The following FBN2 variants were observed in gnomAD, a reference collection of about 807,000 sequenced individuals.
FBN2 encodes fibrillin-2.
FBN2 carries 105 observed loss-of-function variants against 355.6 expected under a neutral mutation model. That is an observed-to-expected ratio of 0.30 (90% confidence interval 0.25 to 0.35). FBN2 has a LOEUF of 0.35. Ranked by LOEUF, FBN2 falls within the 10% of genes least tolerant of loss-of-function variation. The pLI, the probability that FBN2 is intolerant of heterozygous loss-of-function variation, is 1.00. For missense variants in FBN2, 3,280 were observed against 3,758.7 expected, an observed-to-expected ratio of 0.87 and a Z score of 3.33; for synonymous variants, 1,350 against 1,301.2, an observed-to-expected ratio of 1.04 and a Z score of -0.81.
intron 11 of FBN2, among the ~76,000 whole-genome samples, chr5:128,381,061 A>G (rs989118923): frequency 6.6e-6 from 1 of 152,124 alleles, no homozygotes; most frequent in African/African-American, 2.4e-5. Context: ...ATGCCAACTT[A>G]GAAAAGGCTT....
At chr5:128,286,886 C>A in intron 54 of FBN2, 37 bp from the exon 55 acceptor site, 4 of 1,601,356 alleles carry the variant, frequency 2.5e-6, no homozygotes, top group Non-Finnish European at 3.4e-6. Context: ...TTATCTGGAG[C>A]AAGCTGTAGT....
rs550765303 is a variant in FBN2, at chr5:128,259,108, A to G, written c.*347T>C. On this transcript the variant is annotated 3_prime_UTR_variant, in exon 65 of 65. Coordinates refer to ENST00000262464, the MANE Select transcript of FBN2 (RefSeq NM_001999.4). ...AATTAGCAACTATAGCAAAATACCC[A>G]AAGTGTTACAGACTGCTAACAGGAA... The G allele has an allele frequency of 4.9e-6, 1 of 205,624 alleles. No individual in the cohort carries two copies. Among genetic ancestry groups the G allele is most frequent in the Admixed American group, 5.2e-5 (1 of 19,244 alleles). 12.7% of individuals were successfully genotyped at this position (205,624 alleles called of 1,614,324 possible).
chr5:128,326,284 G>A (rs32215), intron 34 of FBN2, among the ~76,000 whole-genome samples: 60,215 of 152,020 alleles, frequency 0.4, 12,691 homozygotes, highest in East Asian at 0.8. Context: ...CCAAAGTTTC[G>A]TAAGGTGGAG....
chr5:128,457,842 C>CAAAAAAAAAAAAAAAA (rs560905143), intron 6 of FBN2, among the ~76,000 whole-genome samples: 1 of 125,446 alleles, frequency 8.0e-6, no homozygotes. Flanking sequence ...CCAGACACTG[C>CAAAAAAAAAAAAAAAA]AAAAAAAAAA....
At position 128,288,529 on chromosome 5, in the gene FBN2, C is replaced by T. The variant is rs192923239; in HGVS notation, c.6666G>A (p.Pro2222=). 4.5e-4 allele frequency: 730 copies of T among 1,613,776 alleles called. No homozygotes were observed. Among genetic ancestry groups the T allele is most frequent in the Non-Finnish European group, 5.0e-4 (587 of 1,179,830 alleles). Residue 2222 remains proline (P), a synonymous_variant, in exon 53 of 65, where the codon CCG becomes CCA. Coordinates refer to ENST00000262464, the MANE Select transcript of FBN2 (RefSeq NM_001999.4). The part of the protein sequence containing the change: ...VDTDECSIGN[P]CGNGTCTNVI... ...CATTGGTGCATGTACCATTTCCACACGGATTGCCGATTGAACACTCATCAG... is the reference window on the plus strand; with the variant it reads ...CATTGGTGCATGTACCATTTCCACATGGATTGCCGATTGAACACTCATCAG...
In FBN2 at chr5:128,379,316, C is replaced by T. The variant is rs552835607; in HGVS notation, c.1604-426G>A. Among the ~76,000 whole-genome samples the T allele has an allele frequency of 2.3e-4, 35 of 152,088 alleles. No homozygotes were observed. In the South Asian group the frequency reaches 3.7e-3, roughly 16 times the overall value. Reference sequence around the variant, plus strand: ...ATATTTATGTTACATGTTGTCACTGCTATTAGTTTTAAAGAAAGAGATTGA... The same window carrying T: ...ATATTTATGTTACATGTTGTCACTGTTATTAGTTTTAAAGAAAGAGATTGA... On this transcript the variant is annotated intron_variant, in intron 11 of 64. Coordinates refer to ENST00000262464, the MANE Select transcript of FBN2 (RefSeq NM_001999.4).
chr5:128,465,601 T>C (rs556825277), intron 5 of FBN2, among the ~76,000 whole-genome samples: 5 of 152,238 alleles, frequency 3.3e-5, no homozygotes, highest in Admixed American at 2.6e-4. Flanking sequence ...TTTAGTTCTA[T>C]GGGTAGCCTA....
intron 8 of FBN2, among the ~76,000 whole-genome samples, chr5:128,403,638 A>G (rs1252234165): frequency 6.6e-6 from 1 of 151,876 alleles, no homozygotes; most frequent in Non-Finnish European, 1.5e-5. Context: ...AAAATGACTT[A>G]AGGCTTATTA....
chr5:128,426,297 C>T (rs925581962), intron 7 of FBN2, among the ~76,000 whole-genome samples: 4 of 152,254 alleles, frequency 2.6e-5, no homozygotes, highest in Middle Eastern at 3.4e-3. Context: ...ACCGAGACTT[C>T]GAAAACCTTC....
intron 3 of FBN2, among the ~76,000 whole-genome samples, chr5:128,529,553 A>G (rs1756652086): frequency 6.6e-6 from 1 of 152,212 alleles, no homozygotes; most frequent in South Asian, 2.1e-4. Flanking sequence ...ATATACCACA[A>G]GCAAAGAGTG....
chr5:128,298,022 G>C (rs1459537278), intron 48 of FBN2, among the ~76,000 whole-genome samples: 1 of 150,108 alleles, frequency 6.7e-6, no homozygotes, highest in Non-Finnish European at 1.5e-5. Flanking sequence ...GCTCTTTTAG[G>C]GCAGGCCTGG....
At chr5:128,440,475 A>G (rs1753891013) in intron 7 of FBN2, among the ~76,000 whole-genome samples, 1 of 152,168 alleles carries the variant, frequency 6.6e-6, no homozygotes, top group South Asian at 2.1e-4. Flanking sequence ...AAGGGGGAAG[A>G]GCTACACACT....
intron 48 of FBN2, among the ~76,000 whole-genome samples, chr5:128,298,854 G>A (rs774962170): frequency 5.9e-5 from 9 of 152,294 alleles, no homozygotes; most frequent in South Asian, 2.1e-4. Context: ...GTTATTCTCC[G>A]TCCAGTTTTG....
In FBN2 at chr5:128,261,722, T is replaced by TGGGATATACTCACAGC; in HGVS notation, c.8362_8364+13dup. On this transcript the variant is annotated intron_variant, in intron 64 of 64. Transcript: ENST00000262464. ...GATAAAATTTTGTGGCAACACAGAGTGGGATATACTCACAGCAGTGGGATC... is the reference window on the plus strand; with the variant it reads ...GATAAAATTTTGTGGCAACACAGAGTGGGATATACTCACAGCGGGATATACTCACAGCAGTGGGATC... 6.2e-7 allele frequency: 1 copy of TGGGATATACTCACAGC among 1,613,652 alleles called. No individual in the cohort carries two copies. The highest frequency in any genetic ancestry group is 1.7e-5 in the Admixed American group (1 of 60,018).
intron 8 of FBN2, among the ~76,000 whole-genome samples, chr5:128,398,081 C>T (rs957011152): frequency 2.0e-5 from 3 of 151,970 alleles, no homozygotes; most frequent in East Asian, 1.9e-4. Flanking sequence ...GCTTTGATGC[C>T]TCAATTCATA....
At chr5:128,325,886 TCTTA>T (rs1252286455) in intron 34 of FBN2, among the ~76,000 whole-genome samples, 1 of 152,182 alleles carries the variant, frequency 6.6e-6, no homozygotes, top group Non-Finnish European at 1.5e-5. Flanking sequence ...GGTCCCCATT[TCTTA>T]CTTCCCTTGA....
intron 37 of FBN2, among the ~76,000 whole-genome samples, 188 bp downstream of exon 37, chr5:128,312,444 CAT>C (rs1157617701): frequency 6.6e-6 from 1 of 152,150 alleles, no homozygotes; most frequent in Non-Finnish European, 1.5e-5. Flanking sequence ...CATGATAAAA[CAT>C]AGGAAGAGAG....
At chr5:128,290,646 T>G in intron 50 of FBN2, 86 bp downstream of exon 50, 1 of 1,336,392 alleles carries the variant, frequency 7.5e-7, no homozygotes, top group Non-Finnish European at 1.1e-6. Flanking sequence ...TCTCAAAATA[T>G]TCTTAAATTA....
intron 8 of FBN2, among the ~76,000 whole-genome samples, chr5:128,404,036 T>C (rs995716255): frequency 6.6e-6 from 1 of 152,216 alleles, no homozygotes; most frequent in Non-Finnish European, 1.5e-5. Flanking sequence ...TCAGCACATG[T>C]GAGCTCTCAG....
Sources: allele counts gnomAD v4.1 joint callset (sites outside exome capture counted in the v4.1 genomes callset), GRCh38; gene constraint gnomAD v4.1.1; transcripts MANE v1.5; gene names NCBI Gene and HGNC (gene_info 2026-07-23, HGNC 2026-07-21).